Variants in FER observed in about 807,000 individuals in gnomAD.
FER encodes tyrosine-protein kinase Fer.
Under a neutral mutation model 111.0 loss-of-function variants are expected in FER, and 63 were observed. The observed-to-expected ratio is 0.57, with a 90% confidence interval of 0.46 to 0.70. The LOEUF (loss-of-function observed/expected upper bound fraction) is 0.70, where lower values mean the gene tolerates loss of function less well. FER is among the 30% of genes least tolerant of loss of function. The pLI, the probability that FER is intolerant of heterozygous loss-of-function variation, is 0.00. For synonymous variants in FER, 327 were observed against 313.9 expected (o/e 1.04, Z -0.44); for missense variants, 914 against 954.0 (o/e 0.96, Z 0.55).
chr5:108,987,978 G>A (rs917523430), intron 13 of FER, among the ~76,000 whole-genome samples: 6 of 152,134 alleles, frequency 3.9e-5, no homozygotes, highest in Non-Finnish European at 4.4e-5. Context: ...TTCTCTGCCA[G>A]TATTGCTGAG....
chr5:109,192,717 C>T lies in FER; in HGVS notation c.*5142C>T, dbSNP rs1446867257. ...TCCTAAATGGGACTACACTTAGATC[C>T]GCCCTATTTCACCTTTGGACTAACG... On this transcript the variant is annotated 3_prime_UTR_variant, in exon 20 of 20. Transcript: ENST00000281092. The T allele has an allele frequency of 3.9e-5, 6 of 152,092 alleles. No homozygotes were observed. Among genetic ancestry groups the T allele is most frequent in the Non-Finnish European group, 5.9e-5 (4 of 68,006 alleles). 9.4% of individuals were successfully genotyped at this position (152,092 alleles called of 1,614,324 possible).
intron 5 of FER, among the ~76,000 whole-genome samples, chr5:108,844,996 G>GTATATATATATATATATATATATA (rs1178206742): frequency 3.4e-5 from 1 of 29,270 alleles, no homozygotes; most frequent in Non-Finnish European, 7.0e-5. Flanking sequence ...GTGTGTGTGT[G>GTATATATATATATATATATATATA]TATATATATA....
intron 17 of FER, among the ~76,000 whole-genome samples, chr5:109,151,445 A>T (rs1754843272): frequency 6.6e-6 from 1 of 152,140 alleles, no homozygotes; most frequent in Non-Finnish European, 1.5e-5. Flanking sequence ...CTTTCACCCA[A>T]GGTAAAAGAT....
chr5:108,845,049 T>TATAC (rs1761865152), intron 5 of FER, among the ~76,000 whole-genome samples: 1 of 46,662 alleles, frequency 2.1e-5, no homozygotes, highest in Non-Finnish European at 4.0e-5. Flanking sequence ...TACATATATA[T>TATAC]ATATATATAT....
chr5:109,036,648 C>G, intron 13 of FER, among the ~76,000 whole-genome samples: 1 of 152,112 alleles, frequency 6.6e-6, no homozygotes, highest in East Asian at 1.9e-4. Flanking sequence ...TTCCCTTCCT[C>G]TCTTTCTTTC....
intron 3 of FER, chr5:108,818,325 A>G (rs1040853165): frequency 6.6e-6 from 1 of 152,126 alleles, no homozygotes; most frequent in Admixed American, 6.6e-5. Context: ...CTGTGGTCCC[A>G]GCTGCTCAGG....
At chr5:108,930,137 G>T (rs565272948) in intron 10 of FER, among the ~76,000 whole-genome samples, 46 of 151,926 alleles carry the variant, frequency 3.0e-4, no homozygotes, top group Non-Finnish European at 4.3e-4. Flanking sequence ...TAACACATTA[G>T]TACCTTTTTT....
intron 5 of FER, among the ~76,000 whole-genome samples, chr5:108,847,824 C>A (rs932099723): frequency 6.6e-6 from 1 of 152,014 alleles, no homozygotes; most frequent in Non-Finnish European, 1.5e-5. Flanking sequence ...TTAACGTAGC[C>A]ATTCCAGCTT....
intron 5 of FER, among the ~76,000 whole-genome samples, chr5:108,845,065 T>C (rs55779819): frequency 0.021 from 1,302 of 62,520 alleles, 38 homozygotes; most frequent in African/African-American, 0.077. Flanking sequence ...TATATATATA[T>C]ATACACACAC....
In FER at chr5:109,152,207, C is replaced by T. The variant is rs371572563; in HGVS notation, c.2049-28540C>T. The stretch of plus-strand genomic sequence containing the variant: ...AAAAATGTAAAATCAAAGTCAGTTC[C>T]TGAGAGTTATAAAATCTGCTATATC... On this transcript the variant is annotated intron_variant, in intron 17 of 19. Coordinates refer to ENST00000281092, the MANE Select transcript of FER (RefSeq NM_005246.4). 2.0e-5 allele frequency among the ~76,000 whole-genome samples: 3 copies of T among 152,102 alleles called. 1 individual carries two copies. Among genetic ancestry groups the T allele is most frequent in the African/African-American group, 7.2e-5 (3 of 41,532 alleles).
intron 17 of FER, among the ~76,000 whole-genome samples, chr5:109,117,875 C>G (rs1307310181): frequency 6.6e-6 from 1 of 151,932 alleles, no homozygotes; most frequent in Non-Finnish European, 1.5e-5. Flanking sequence ...TGAGACTTTG[C>G]TGAAGTTGCC....
chr5:108,926,291 TTTG>T (rs1171099166), intron 10 of FER, among the ~76,000 whole-genome samples: 3 of 152,052 alleles, frequency 2.0e-5, no homozygotes, highest in African/African-American at 4.8e-5. Context: ...GTGCTTTTTA[TTTG>T]TTATTTTTGA....
chr5:108,794,860 AG>A (rs1183941765), intron 2 of FER, among the ~76,000 whole-genome samples: 1 of 152,072 alleles, frequency 6.6e-6, no homozygotes, highest in Non-Finnish European at 1.5e-5. Flanking sequence ...AAATGCCTTG[AG>A]GTAGTCTTTA....
intron 10 of FER, among the ~76,000 whole-genome samples, chr5:108,898,702 CT>C (rs1749552822): frequency 6.8e-6 from 1 of 148,062 alleles, no homozygotes; most frequent in Non-Finnish European, 1.5e-5. Context: ...TTTATCTTTC[CT>C]TTTTCTATTA....
At chr5:109,139,065 T>A (rs1443650856) in intron 17 of FER, among the ~76,000 whole-genome samples, 2 of 152,130 alleles carry the variant, frequency 1.3e-5, no homozygotes, top group Non-Finnish European at 2.9e-5. Flanking sequence ...TTGAGGTACC[T>A]GTAGGACATC....
intron 1 of FER, among the ~76,000 whole-genome samples, chr5:108,752,241 C>T (rs1750589193): frequency 6.6e-6 from 1 of 151,872 alleles, no homozygotes; most frequent in African/African-American, 2.4e-5. Context: ...TTTTTTACTC[C>T]TTTTCTTTCT....
At position 108,970,888 on chromosome 5, in the gene FER, T is replaced by C. The variant is rs113744229; in HGVS notation, c.1656+11541T>C. Among the ~76,000 whole-genome samples, 59 of 152,206 alleles carry C rather than the reference T, an allele frequency of 3.9e-4. 1 individual carries two copies. Among genetic ancestry groups the C allele is most frequent in the Middle Eastern group, 3.4e-3 (1 of 294 alleles). On this transcript the variant is annotated intron_variant, in intron 13 of 19. Coordinates refer to ENST00000281092, the MANE Select transcript of FER (RefSeq NM_005246.4). ...GTTAAAATCAGATTTTTGAAGGCCC[T>C]GAATACCAGAATTGTGATGGAAAAT...
At chr5:108,936,956 A>G (rs895495282) in intron 10 of FER, among the ~76,000 whole-genome samples, 2 of 152,038 alleles carry the variant, frequency 1.3e-5, no homozygotes, top group Admixed American at 6.6e-5. Context: ...GATTCTTAAA[A>G]TCAGTCTGAG....
At chr5:108,907,342 T>C (rs1750927601) in intron 10 of FER, among the ~76,000 whole-genome samples, 2 of 152,058 alleles carry the variant, frequency 1.3e-5, no homozygotes, top group South Asian at 4.2e-4. Context: ...TTGCCCAGGC[T>C]GGAGTGCAGT....
Sources: allele counts gnomAD v4.1 joint callset (sites outside exome capture counted in the v4.1 genomes callset), GRCh38; gene constraint gnomAD v4.1.1; transcripts MANE v1.5; gene names NCBI Gene and HGNC (gene_info 2026-07-23, HGNC 2026-07-21).